The following MCU variants were observed in gnomAD, a reference collection of about 807,000 sequenced individuals.
MCU encodes mitochondrial calcium uniporter, also known as calcium uniporter protein, mitochondrial.
In MCU, 12 loss-of-function variants were observed where a neutral mutation model predicts 45.2. That is an observed-to-expected ratio of 0.27 (90% CI 0.17 to 0.43). The LOEUF is 0.43. Ranked by LOEUF, MCU falls within the 20% of genes least tolerant of loss-of-function variation. The probability of loss-of-function intolerance (pLI) is 1.00; values close to 1 mark genes in which losing one functional copy is unlikely to be tolerated. For missense variants in MCU, 324 were observed against 436.7 expected (o/e 0.74, Z 2.30); for synonymous variants, 160 against 165.1 (o/e 0.97, Z 0.24).
At chr10:72,768,168 T>A (rs901985701) in intron 1 of MCU, among the ~76,000 whole-genome samples, 6 of 152,150 alleles carry the variant, frequency 3.9e-5, no homozygotes, top group African/African-American at 1.4e-4. Context: ...GTTGCATTAA[T>A]TTTTGCATAA....
At chr10:72,715,875 C>T (rs1379596113) in intron 1 of MCU, 1 of 985,662 alleles carries the variant, frequency 1.0e-6, no homozygotes, top group Non-Finnish European at 1.2e-6. Flanking sequence ...GTGACCTGTT[C>T]ACGCAGGGGA....
chr10:72,704,111 A>G lies in MCU; in HGVS notation c.150+11810A>G, dbSNP rs550564136. 4.7e-4 allele frequency among the ~76,000 whole-genome samples: 71 copies of G among 152,304 alleles called. 1 individual carries two copies. The South Asian group carries it at 0.014, about 30-fold the overall frequency. On this transcript the variant is annotated intron_variant, in intron 1 of 7. Transcript: ENST00000373053. ...TTTCAAGTGGGAGAATCAGGTGATC[A>G]GGTAGGTAACGCTGGCAGCAGTATG...
intron 7 of MCU, among the ~76,000 whole-genome samples, chr10:72,884,647 CT>C (rs780888443): frequency 0.032 from 4,268 of 134,564 alleles, 149 homozygotes; most frequent in Admixed American, 0.1. Context: ...CCTACTTTTA[CT>C]TTTTTTTTTT....
At chr10:72,761,718 A>T (rs896207568) in intron 1 of MCU, among the ~76,000 whole-genome samples, 1 of 152,220 alleles carries the variant, frequency 6.6e-6, no homozygotes, top group Admixed American at 6.5e-5. Context: ...CACCTGTAAC[A>T]TAGATGGTTA....
chr10:72,877,635 T>C (rs1281521432), intron 6 of MCU, among the ~76,000 whole-genome samples: 1 of 152,032 alleles, frequency 6.6e-6, no homozygotes, highest in Non-Finnish European at 1.5e-5. Context: ...TTAAAGATAC[T>C]AGAGAACTAA....
chr10:72,880,578 C>A (rs950514912), intron 6 of MCU, among the ~76,000 whole-genome samples: 4 of 152,198 alleles, frequency 2.6e-5, no homozygotes, highest in Non-Finnish European at 5.9e-5. Context: ...TCAGTACAAT[C>A]CCAGTTAGTC....
chr10:72,770,833 ATAGT>A (rs1354737469), intron 1 of MCU, among the ~76,000 whole-genome samples: 3 of 152,126 alleles, frequency 2.0e-5, no homozygotes. Flanking sequence ...TGCTTTTTAA[ATAGT>A]TAATATAGAA....
At chr10:72,705,693 C>T (rs1297176423) in intron 1 of MCU, among the ~76,000 whole-genome samples, 1 of 152,174 alleles carries the variant, frequency 6.6e-6, no homozygotes, top group Non-Finnish European at 1.5e-5. Flanking sequence ...TGGCACAAGC[C>T]TGTAATCCCA....
chr10:72,866,550 C>T (rs1845459988), intron 4 of MCU, among the ~76,000 whole-genome samples: 1 of 152,138 alleles, frequency 6.6e-6, no homozygotes. Flanking sequence ...GCATGCACCA[C>T]CACGCCCAGC....
At chr10:72,703,786 C>T (rs959958058) in intron 1 of MCU, among the ~76,000 whole-genome samples, 1 of 152,078 alleles carries the variant, frequency 6.6e-6, no homozygotes. Flanking sequence ...ATCCCAGCTA[C>T]TCCAGAGGCT....
intron 1 of MCU, among the ~76,000 whole-genome samples, chr10:72,735,565 T>A (rs1000641574): frequency 6.6e-6 from 1 of 152,180 alleles, no homozygotes; most frequent in South Asian, 2.1e-4. Context: ...GGTACCTTAT[T>A]TTAATGGTAA....
chr10:72,867,732 G>A (rs1314524964), intron 4 of MCU, among the ~76,000 whole-genome samples: 1 of 151,824 alleles, frequency 6.6e-6, no homozygotes, highest in Non-Finnish European at 1.5e-5. Flanking sequence ...GTGGGCGCCT[G>A]TAGTCCCAGC....
At chr10:72,833,459 A>C (rs1844909357) in intron 1 of MCU, among the ~76,000 whole-genome samples, 3 of 152,258 alleles carry the variant, frequency 2.0e-5, no homozygotes, top group Admixed American at 2.0e-4. Context: ...CATCAGCACA[A>C]AGAAAAATCA....
At chr10:72,741,668 A>T (rs901610737) in intron 1 of MCU, among the ~76,000 whole-genome samples, 1 of 152,118 alleles carries the variant, frequency 6.6e-6, no homozygotes, top group Admixed American at 6.5e-5. Flanking sequence ...CTTGTAGGTT[A>T]TGTGTATCTA....
intron 1 of MCU, chr10:72,715,751 T>G (rs1450140851): frequency 2.7e-6 from 1 of 374,792 alleles, no homozygotes; most frequent in Non-Finnish European, 3.7e-6. Flanking sequence ...CCTGGTATCT[T>G]ACTTTTGCAG....
chr10:72,747,948 A>C (rs928642287), intron 1 of MCU, among the ~76,000 whole-genome samples: 2 of 151,600 alleles, frequency 1.3e-5, no homozygotes, highest in Non-Finnish European at 2.9e-5. Context: ...TGAATAATAT[A>C]TTTTATTTAA....
At chr10:72,702,246 G>C (rs1842767580) in intron 1 of MCU, among the ~76,000 whole-genome samples, 2 of 148,770 alleles carry the variant, frequency 1.3e-5, no homozygotes, top group African/African-American at 5.0e-5. Context: ...GCAAAACTCT[G>C]TCTCAAAAAA....
intron 6 of MCU, among the ~76,000 whole-genome samples, chr10:72,873,087 C>T (rs1397995941): frequency 1.5e-5 from 2 of 136,032 alleles, no homozygotes; most frequent in African/African-American, 5.6e-5. Flanking sequence ...GGCACGATCT[C>T]GGCTCACTGC....
At position 72,731,617 on chromosome 10, in the gene MCU, G is replaced by C. The variant is rs138972793; in HGVS notation, c.150+39316G>C. The stretch of plus-strand genomic sequence containing the variant: ...CAACAATCCATGTTTAGCAATCACT[G>C]TCTATTCCCCTCTACACCTGTGGCC... On this transcript the variant is annotated intron_variant, in intron 1 of 7. Transcript: ENST00000373053. Among the ~76,000 whole-genome samples, 515 of 151,614 alleles carry C rather than the reference G, an allele frequency of 3.4e-3. 3 individuals carry two copies. The highest frequency in any genetic ancestry group is 0.011 in the African/African-American group (466 of 41,386).
Sources: gnomAD v4.1 joint callset for allele counts (sites outside exome capture counted in the v4.1 genomes callset) on GRCh38, gnomAD v4.1.1 for gene constraint, MANE v1.5 for transcripts, NCBI Gene and HGNC (gene_info 2026-07-23, HGNC 2026-07-21) for gene names.